HVCN1: variants seen among roughly 807,000 people sequenced by gnomAD.
The protein encoded by HVCN1 is voltage-gated hydrogen channel 1.
In HVCN1, 14 loss-of-function variants were observed where a neutral mutation model predicts 29.2. The ratio of observed to expected loss-of-function variants is 0.48; its 90% CI spans 0.32 to 0.75. The LOEUF is 0.75. HVCN1 is among the 30% of genes least tolerant of loss of function. The pLI, the probability that HVCN1 is intolerant of heterozygous loss-of-function variation, is 0.04. For synonymous variants in HVCN1, 131 were observed against 133.2 expected (o/e 0.98, Z 0.11); for missense variants, 263 against 341.8 (o/e 0.77, Z 1.82).
chr12:110,687,268 C>G (rs921853111), intron 2 of HVCN1, among the ~76,000 whole-genome samples: 5 of 149,618 alleles, frequency 3.3e-5, no homozygotes, highest in African/African-American at 7.4e-5. Context: ...CCCCCCCCCC[C>G]CAGCTAAGCA....
intron 3 of HVCN1, among the ~76,000 whole-genome samples, chr12:110,673,714 C>A (rs1013324881): frequency 1.3e-5 from 2 of 152,180 alleles, no homozygotes; most frequent in Non-Finnish European, 2.9e-5. Flanking sequence ...GGGTGGAAGC[C>A]CCAAGCTTTG....
intron 3 of HVCN1, among the ~76,000 whole-genome samples, chr12:110,673,683 A>G (rs1411252597): frequency 6.6e-6 from 1 of 152,174 alleles, no homozygotes; most frequent in African/African-American, 2.4e-5. Flanking sequence ...GCCAACATAC[A>G]GCTCAGGCTG....
chr12:110,680,204 T>A (rs1326748378), intron 3 of HVCN1, among the ~76,000 whole-genome samples: 1 of 152,122 alleles, frequency 6.6e-6, no homozygotes, highest in African/African-American at 2.4e-5. Context: ...CCCAGCAATG[T>A]CCTCCTGACA....
intron 1 of HVCN1, 81 bp downstream of exon 1, chr12:110,688,998 CG>C (rs1445620124): frequency 1.5e-4 from 23 of 152,572 alleles, no homozygotes; most frequent in African/African-American, 4.8e-4. Context: ...CCCCTCTTCT[CG>C]GAAGGATCGG....
At chr12:110,653,526 A>T (rs2067883133) in intron 5 of HVCN1, among the ~76,000 whole-genome samples, 1 of 151,766 alleles carries the variant, frequency 6.6e-6, no homozygotes, top group African/African-American at 2.4e-5. Flanking sequence ...TCTCTATCCT[A>T]GTTTGAAAAA....
rs142094503 is a variant in HVCN1, at chr12:110,654,329, G to A, written c.411+905C>T. Reference sequence around the variant, plus strand: ...CTATGCTGGCATAGGAGATGTCACAGGGCTGCCTCTGGGAAAGGTATCAGG... The same window carrying A: ...CTATGCTGGCATAGGAGATGTCACAAGGCTGCCTCTGGGAAAGGTATCAGG... On this transcript the variant is annotated intron_variant, in intron 5 of 7. Transcript: ENST00000242607. Among the ~76,000 whole-genome samples the A allele has an allele frequency of 1.5e-3, 233 of 152,126 alleles. 1 individual carries two copies. Among genetic ancestry groups the A allele is most frequent in the Non-Finnish European group, 2.5e-3 (173 of 67,996 alleles).
At position 110,661,427 on chromosome 12, in the gene HVCN1, C is replaced by A; in HGVS notation, c.43G>T (p.Val15Leu). 1.2e-6 allele frequency: 2 copies of A among 1,614,152 alleles called. No individual in the cohort carries two copies. Among genetic ancestry groups the A allele is most frequent in the Non-Finnish European group, 1.7e-6 (2 of 1,179,950 alleles). ...DEKAVTRRAK[V>L]APAERMSKFL... Reference sequence around the variant, plus strand: ...TTGCTCATCCTCTCAGCGGGAGCCACCTTGGCCCTGCGGGTGACTGCCTAG... The same window carrying A: ...TTGCTCATCCTCTCAGCGGGAGCCAACTTGGCCCTGCGGGTGACTGCCTAG... Residue 15 changes from valine (V) to leucine (L), a missense_variant, in exon 4 of 8, where the codon GTG becomes TTG. Around this residue, in one of 3 missense-constraint regions of HVCN1, gnomAD observed 157 missense variants for 181.3 expected, o/e 0.87. Coordinates refer to ENST00000242607, the MANE Select transcript of HVCN1 (RefSeq NM_032369.4). The surrounding 1 kb of genome is among the most constrained non-coding windows in gnomAD (Gnocchi z 6.2).
At position 110,661,046 on chromosome 12, in the gene HVCN1, C is replaced by A. The variant is rs1470134094; in HGVS notation, c.306+118G>T. 3 of 986,238 alleles carry A rather than the reference C, an allele frequency of 3.0e-6. No individual in the cohort carries two copies. In the African/African-American group the frequency reaches 4.9e-5, roughly 16 times the overall value. 61.1% of individuals were successfully genotyped at this position (986,238 alleles called of 1,614,324 possible). ...TCCCCGGCACGTGGTAGGTGCTGGG[C>A]AAACACTCGTAGAATGAATGAGGCA... On this transcript the variant is annotated intron_variant, in intron 4 of 7. Coordinates refer to ENST00000242607, the MANE Select transcript of HVCN1 (RefSeq NM_032369.4). The surrounding 1 kb of genome is among the most constrained non-coding windows in gnomAD (Gnocchi z 6.2).
At chr12:110,650,106 A>G (rs1029001064) in intron 7 of HVCN1, 62 bp downstream of exon 7, 2 of 1,160,858 alleles carry the variant, frequency 1.7e-6, no homozygotes, top group South Asian at 1.2e-5. Flanking sequence ...TGGCCTCCCA[A>G]AGTGCTAGGA....
intron 3 of HVCN1, among the ~76,000 whole-genome samples, chr12:110,663,264 CA>C (rs2068236165): frequency 6.6e-6 from 1 of 152,052 alleles, no homozygotes; most frequent in African/African-American, 2.4e-5. Context: ...AACTTGGGCA[CA>C]TGTGCTCAAA....
At chr12:110,678,041 G>A (rs897582846) in intron 3 of HVCN1, among the ~76,000 whole-genome samples, 3 of 152,204 alleles carry the variant, frequency 2.0e-5, no homozygotes, top group African/African-American at 7.2e-5. Context: ...AATATTTTCT[G>A]AGCTCTGTGC....
chr12:110,688,319 TG>T (rs1316254310), intron 2 of HVCN1: 2 of 152,054 alleles, frequency 1.3e-5, no homozygotes, highest in Admixed American at 6.5e-5. Flanking sequence ...CTGGTAAAAG[TG>T]GTGGGGGCAA....
chr12:110,696,666 A>G (rs145835821), intron 2 of HVCN1, among the ~76,000 whole-genome samples: 1 of 152,280 alleles, frequency 6.6e-6, no homozygotes, highest in East Asian at 1.9e-4. Flanking sequence ...CCTGCTTTAA[A>G]TGGAATATCA....
At chr12:110,685,941 C>T (rs1018466308) in intron 2 of HVCN1, among the ~76,000 whole-genome samples, 2 of 151,838 alleles carry the variant, frequency 1.3e-5, no homozygotes, top group Non-Finnish European at 2.9e-5. Context: ...CTCAGCCTCC[C>T]ATGGTGTTAG....
At chr12:110,696,109 T>A (rs533422640) in intron 2 of HVCN1, among the ~76,000 whole-genome samples, 22 of 151,780 alleles carry the variant, frequency 1.4e-4, no homozygotes, top group African/African-American at 5.1e-4. Context: ...CCCGCCACCA[T>A]GCTCAGCTAA....
At chr12:110,668,739 T>A in intron 3 of HVCN1, among the ~76,000 whole-genome samples, 1 of 152,196 alleles carries the variant, frequency 6.6e-6, no homozygotes, top group East Asian at 1.9e-4. Context: ...CCATCTCCCA[T>A]GCAAGAATCC....
intron 7 of HVCN1, among the ~76,000 whole-genome samples, 192 bp from the exon 8 acceptor site, chr12:110,649,667 A>G (rs2067695560): frequency 6.6e-6 from 1 of 152,108 alleles, no homozygotes; most frequent in African/African-American, 2.4e-5. Context: ...AGCAGTGAGA[A>G]GACAAACGTG....
intron 3 of HVCN1, among the ~76,000 whole-genome samples, chr12:110,677,268 G>T (rs2068779825): frequency 6.6e-6 from 1 of 150,820 alleles, no homozygotes; most frequent in Non-Finnish European, 1.5e-5. Flanking sequence ...GCTCTATCTA[G>T]CCTCTGTCTG....
chr12:110,675,530 C>G (rs376990616), intron 3 of HVCN1, among the ~76,000 whole-genome samples: 1 of 152,004 alleles, frequency 6.6e-6, no homozygotes, highest in Non-Finnish European at 1.5e-5. Context: ...AACTCAAGTC[C>G]GCTAGCTTTG....
Sources: gnomAD v4.1 joint callset for allele counts (sites outside exome capture counted in the v4.1 genomes callset) on GRCh38, gnomAD v4.1.1 for gene constraint, gnomAD v4.1.1 regional missense constraint, Gnocchi (gnomAD v3.1) non-coding constraint, MANE v1.5 for transcripts, NCBI Gene and HGNC (gene_info 2026-07-23, HGNC 2026-07-21) for gene names.